Variants in DIS3L2 observed in about 807,000 individuals in gnomAD.
DIS3L2 encodes DIS3 like 3'-5' exoribonuclease 2.
DIS3L2 carries 34 observed loss-of-function variants against 97.5 expected under a neutral mutation model. The observed-to-expected ratio is 0.35, with a 90% CI of 0.27 to 0.46. The LOEUF is 0.46. DIS3L2 is among the 20% of genes least tolerant of loss of function. The probability of loss-of-function intolerance (pLI) is 1.00; values close to 1 mark genes in which losing one functional copy is unlikely to be tolerated. For synonymous variants in DIS3L2, 435 were observed against 445.2 expected, an observed-to-expected ratio of 0.98 and a Z score of 0.29; for missense variants, 1,038 against 1,146.0, an observed-to-expected ratio of 0.91 and a Z score of 1.36.
intron 1 of DIS3L2, among the ~76,000 whole-genome samples, chr2:231,980,567 A>G (rs1051785118): frequency 1.3e-5 from 2 of 152,170 alleles, no homozygotes; most frequent in Middle Eastern, 3.4e-3. Flanking sequence ...GCGTGGTGGC[A>G]TGCACCTGTA....
chr2:232,208,164 A>G (rs1692082666), intron 9 of DIS3L2, among the ~76,000 whole-genome samples: 1 of 151,692 alleles, frequency 6.6e-6, no homozygotes. Context: ...ATTTAGTTCC[A>G]CTCCCCCTGC....
At chr2:232,205,474 G>C (rs116627201) in intron 9 of DIS3L2, among the ~76,000 whole-genome samples, 99 of 152,004 alleles carry the variant, frequency 6.5e-4, no homozygotes, top group African/African-American at 2.3e-3. Context: ...GCTAATTTTT[G>C]TATTTGTTGT....
At position 232,249,275 on chromosome 2, in the gene DIS3L2, C is replaced by T; in HGVS notation, c.1354C>T (p.Leu452=). 1 of 1,614,184 alleles carries T rather than the reference C, an allele frequency of 6.2e-7. No homozygotes were observed. Residue 452 remains leucine, a synonymous_variant, in exon 12 of 21, where the codon CTG becomes TTG. Transcript: ENST00000325385. Reference sequence around the variant, plus strand: ...GCTTCCCAGGCTGCTGTGTGAGGAGCTGTGCAGCCTCAACCCCATGTCCGA... The same window carrying T: ...GCTTCCCAGGCTGCTGTGTGAGGAGTTGTGCAGCCTCAACCCCATGTCCGA... ...PMLPRLLCEE[L]CSLNPMSDKL...
intron 5 of DIS3L2, among the ~76,000 whole-genome samples, chr2:232,058,418 C>G (rs1243792647): frequency 6.6e-6 from 1 of 152,150 alleles, no homozygotes. Flanking sequence ...GTAGTTTGAT[C>G]TGGGTGGAGG....
intron 1 of DIS3L2, among the ~76,000 whole-genome samples, chr2:231,998,259 T>C (rs1393121323): frequency 1.3e-5 from 2 of 152,158 alleles, no homozygotes; most frequent in Non-Finnish European, 2.9e-5. Context: ...CATCATCCTG[T>C]GGTGGGAAGG....
rs568507225 is a variant in DIS3L2, at chr2:232,130,513, G to A, written c.602-106G>A. 8.2e-6 allele frequency: 11 copies of A among 1,342,520 alleles called. No homozygotes were observed. The South Asian group carries it at 9.4e-5, about 12-fold the overall frequency. The allele number at this position is 1,342,520 out of a possible 1,614,324, so 83.2% of individuals were successfully genotyped here. ...GGTTCTTCTGTAAAGTGAGTAGTTTGGGGTAACTGGTATCCAGGCATCTTT... is the reference window on the plus strand; with the variant it reads ...GGTTCTTCTGTAAAGTGAGTAGTTTAGGGTAACTGGTATCCAGGCATCTTT... On this transcript the variant is annotated intron_variant, in intron 6 of 20. Transcript: ENST00000325385.
chr2:232,092,524 A>G (rs1290425270), intron 6 of DIS3L2, among the ~76,000 whole-genome samples: 1 of 152,152 alleles, frequency 6.6e-6, no homozygotes, highest in African/African-American at 2.4e-5. Context: ...GATTCTTCCC[A>G]GCCATGAATG....
intron 7 of DIS3L2, 103 bp from the exon 8 acceptor site, chr2:232,136,369 T>C: frequency 6.9e-7 from 1 of 1,443,118 alleles, no homozygotes; most frequent in Non-Finnish European, 9.4e-7. Flanking sequence ...CTAGAAAAAC[T>C]GCTGGTTCCT....
chr2:231,966,372 G>GAAC (rs1692715602), intron 1 of DIS3L2, among the ~76,000 whole-genome samples: 2 of 152,086 alleles, frequency 1.3e-5, no homozygotes, highest in African/African-American at 4.8e-5. Context: ...GTTTCACCAT[G>GAAC]TTGGCCAGGC....
At chr2:232,209,941 G>GTA (rs1190019432) in intron 9 of DIS3L2, among the ~76,000 whole-genome samples, 1 of 152,180 alleles carries the variant, frequency 6.6e-6, no homozygotes, top group Non-Finnish European at 1.5e-5. Context: ...CCATCCCCCT[G>GTA]TATCACAAGT....
chr2:232,314,011 G>T (rs1695204841), intron 14 of DIS3L2, among the ~76,000 whole-genome samples: 1 of 152,226 alleles, frequency 6.6e-6, no homozygotes, highest in Non-Finnish European at 1.5e-5. Context: ...AATTATGGGA[G>T]CTACAAGATG....
At chr2:232,008,241 T>A (rs1347028029) in intron 1 of DIS3L2, among the ~76,000 whole-genome samples, 1 of 151,526 alleles carries the variant, frequency 6.6e-6, no homozygotes, top group Non-Finnish European at 1.5e-5. Context: ...TTGCTGTGGC[T>A]GTTCTCAAAC....
chr2:232,085,968 A>G (rs904872952), intron 5 of DIS3L2, among the ~76,000 whole-genome samples: 5 of 151,892 alleles, frequency 3.3e-5, no homozygotes, highest in African/African-American at 1.2e-4. Flanking sequence ...CCCCCCAACT[A>G]TGCCTGGTTG....
intron 6 of DIS3L2, among the ~76,000 whole-genome samples, chr2:232,108,184 C>A (rs1487239564): frequency 6.6e-6 from 1 of 152,054 alleles, no homozygotes; most frequent in Non-Finnish European, 1.5e-5. Flanking sequence ...GCTGATCAAG[C>A]AGGCTACATC....
intron 10 of DIS3L2, among the ~76,000 whole-genome samples, chr2:232,237,556 TAACA>T (rs1692965888): frequency 6.6e-6 from 1 of 151,874 alleles, no homozygotes; most frequent in East Asian, 1.9e-4. Context: ...GAGAGACAGA[TAACA>T]AACACACAAG....
At chr2:232,048,814 G>C (rs1194492136) in intron 5 of DIS3L2, among the ~76,000 whole-genome samples, 1 of 151,986 alleles carries the variant, frequency 6.6e-6, no homozygotes, top group Non-Finnish European at 1.5e-5. Flanking sequence ...TGTTGTTATA[G>C]TGTGTTATTG....
At position 232,231,837 on chromosome 2, in the gene DIS3L2, G is replaced by C. The variant is rs141433102; in HGVS notation, c.1205-6696G>C. Among the ~76,000 whole-genome samples, 1,297 of 152,384 alleles carry C rather than the reference G, an allele frequency of 8.5e-3. 23 individuals are homozygous for C. The highest frequency in any genetic ancestry group is 0.049 in the Admixed American group (745 of 15,312). On this transcript the variant is annotated intron_variant, in intron 10 of 20. Coordinates refer to ENST00000325385, the MANE Select transcript of DIS3L2 (RefSeq NM_152383.5). ...TTCCCTGCCCATCATGCTGATTACA[G>C]AGAGTCAGGAGGTAGTTCATGATCC...
At chr2:232,264,974 G>C (rs1373045807) in intron 13 of DIS3L2, among the ~76,000 whole-genome samples, 1 of 152,236 alleles carries the variant, frequency 6.6e-6, no homozygotes, top group Non-Finnish European at 1.5e-5. Context: ...ACAAGAGGCA[G>C]AGCGGATGCT....
At chr2:232,041,299 C>T (rs537177319) in intron 5 of DIS3L2, among the ~76,000 whole-genome samples, 1 of 152,268 alleles carries the variant, frequency 6.6e-6, no homozygotes, top group South Asian at 2.1e-4. Context: ...TCAATGGCAG[C>T]AGATCCCAAA....
Sources: allele counts gnomAD v4.1 joint callset (sites outside exome capture counted in the v4.1 genomes callset), GRCh38; gene constraint gnomAD v4.1.1; transcripts MANE v1.5; gene names NCBI Gene and HGNC (gene_info 2026-07-23, HGNC 2026-07-21).